Variants in RNF212B observed in about 807,000 individuals in gnomAD.
RNF212B encodes E3 ubiquitin-protein ligase RNF212B.
A neutral mutation model predicts 55.5 loss-of-function variants in RNF212B; 52 were observed. The ratio of observed to expected loss-of-function variants is 0.94; its 90% CI spans 0.75 to 1.18. RNF212B has a LOEUF of 1.18. Among genes scored for constraint, RNF212B ranks in the 50% most tolerant of loss-of-function variants. The pLI is 0.00. For synonymous variants in RNF212B, 99 were observed against 121.4 expected (o/e 0.82, Z 1.21); for missense variants, 289 against 350.4 (o/e 0.82, Z 1.40).
At chr14:23,221,062 A>G (rs1881526197) in intron 2 of RNF212B, among the ~76,000 whole-genome samples, 1 of 152,016 alleles carries the variant, frequency 6.6e-6, no homozygotes, top group African/African-American at 2.4e-5. Flanking sequence ...GAATGGATGA[A>G]AAAAAGACAC....
At chr14:23,229,906 G>T in intron 2 of RNF212B, 1 of 176,558 alleles carries the variant, frequency 5.7e-6, no homozygotes. Flanking sequence ...GATATGGTAA[G>T]ATGGTTATGA....
chr14:23,270,735 G>A (rs941533669), intron 14 of RNF212B, 74 bp downstream of exon 14: 3 of 979,400 alleles, frequency 3.1e-6, no homozygotes, highest in East Asian at 2.6e-5. Flanking sequence ...AATGCCTCAG[G>A]GTAGTGGAAT....
intron 2 of RNF212B, among the ~76,000 whole-genome samples, chr14:23,241,267 A>C (rs1013101704): frequency 6.6e-6 from 1 of 152,160 alleles, no homozygotes; most frequent in Non-Finnish European, 1.5e-5. Flanking sequence ...AGTGCAGGGG[A>C]CTACACATAG....
intron 4 of RNF212B, among the ~76,000 whole-genome samples, chr14:23,245,759 C>CT (rs539833832): frequency 4.6e-4 from 70 of 151,900 alleles, no homozygotes; most frequent in Non-Finnish European, 7.5e-4. Context: ...CCTTACCATG[C>CT]TTTTTTTTGC....
Position 23,273,047 on chromosome 14 carries a change from T to C in RNF212B, c.*156T>C, listed in dbSNP as rs755929811. 4.0e-6 allele frequency: 2 copies of C among 505,912 alleles called. No individual in the cohort carries two copies. The highest frequency in any genetic ancestry group is 3.7e-5 in the Admixed American group (1 of 26,792). 31.3% of individuals were successfully genotyped at this position (505,912 alleles called of 1,614,324 possible). ...CCCCCATCTTTACCCTATTCACCCT[T>C]ATCACCTCCCAGGACAGTGGTCAGG... On this transcript the variant is annotated 3_prime_UTR_variant, in exon 15 of 15. Coordinates refer to ENST00000430154, the MANE Select transcript of RNF212B (RefSeq NM_001282322.3).
intron 2 of RNF212B, among the ~76,000 whole-genome samples, chr14:23,209,979 C>A: frequency 6.6e-6 from 1 of 152,092 alleles, no homozygotes; most frequent in East Asian, 1.9e-4. Flanking sequence ...ATGATGAAAC[C>A]CTGTCTCTGT....
intron 2 of RNF212B, among the ~76,000 whole-genome samples, chr14:23,213,746 G>C (rs1331493785): frequency 6.6e-6 from 1 of 152,020 alleles, no homozygotes; most frequent in Non-Finnish European, 1.5e-5. Context: ...GAAGAAGTGA[G>C]GAAGAGAGGT....
intron 4 of RNF212B, among the ~76,000 whole-genome samples, chr14:23,256,313 C>G (rs1038360926): frequency 6.6e-6 from 1 of 152,010 alleles, no homozygotes; most frequent in Non-Finnish European, 1.5e-5. Context: ...ACTCCTACCC[C>G]CCTGCCATTT....
chr14:23,217,839 ACAAGCATCAACAC>A (rs1881236239), intron 2 of RNF212B, among the ~76,000 whole-genome samples: 1 of 152,112 alleles, frequency 6.6e-6, no homozygotes. Context: ...ATGAACATCT[ACAAGCATCAACAC>A]CATCCAGGGA....
intron 2 of RNF212B, among the ~76,000 whole-genome samples, chr14:23,211,201 G>A (rs1880481351): frequency 6.9e-6 from 1 of 143,994 alleles, no homozygotes. Flanking sequence ...CTGGGCAACA[G>A]AGTGAGACTC....
At chr14:23,212,126 A>G (rs1332659184) in intron 2 of RNF212B, among the ~76,000 whole-genome samples, 4 of 152,246 alleles carry the variant, frequency 2.6e-5, no homozygotes, top group Non-Finnish European at 5.9e-5. Context: ...TAGAAATAGA[A>G]GGGAACATCC....
At chr14:23,227,476 T>C (rs1366699743) in intron 2 of RNF212B, among the ~76,000 whole-genome samples, 2 of 152,124 alleles carry the variant, frequency 1.3e-5, no homozygotes, top group Admixed American at 1.3e-4. Context: ...GTTGAGTTTG[T>C]GGAAATTCAG....
chr14:23,211,518 G>C (rs1401132803), intron 2 of RNF212B, among the ~76,000 whole-genome samples: 1 of 152,056 alleles, frequency 6.6e-6, no homozygotes, highest in Non-Finnish European at 1.5e-5. Flanking sequence ...TTAGAGGTCA[G>C]CATTATTCAG....
intron 4 of RNF212B, among the ~76,000 whole-genome samples, chr14:23,245,114 T>G (rs1469474594): frequency 6.6e-6 from 1 of 152,196 alleles, no homozygotes; most frequent in Non-Finnish European, 1.5e-5. Context: ...TTGAGGTTTT[T>G]ATCACTGTTC....
intron 4 of RNF212B, among the ~76,000 whole-genome samples, chr14:23,255,703 A>C (rs1205361981): frequency 1.3e-5 from 2 of 152,202 alleles, no homozygotes; most frequent in Admixed American, 1.3e-4. Flanking sequence ...CATTTCTAAA[A>C]AAATTTTTTT....
chr14:23,209,053 C>G (rs1206530139), intron 2 of RNF212B, among the ~76,000 whole-genome samples: 3 of 152,164 alleles, frequency 2.0e-5, no homozygotes, highest in East Asian at 1.9e-4. Context: ...CCACCGTGCC[C>G]GGCCTGGTTG....
rs143523221 is a variant in RNF212B, at chr14:23,186,895, T to C, written c.-79+1405T>C. ...GAGCACTTTTTCAGGATGCTATAGCTACTGGTCAAAGCCTCAATTTCTTTC... is the reference window on the plus strand; with the variant it reads ...GAGCACTTTTTCAGGATGCTATAGCCACTGGTCAAAGCCTCAATTTCTTTC... On this transcript the variant is annotated intron_variant, in intron 1 of 15. Coordinates refer to the RNF212B transcript ENST00000399910. Among the ~76,000 whole-genome samples, 685 of 152,336 alleles carry C rather than the reference T, an allele frequency of 4.5e-3. 4 individuals are homozygous for C. Among genetic ancestry groups the C allele is most frequent in the African/African-American group, 0.016 (659 of 41,582 alleles).
In RNF212B at chr14:23,203,239, T is replaced by C. The variant is rs567204724; in HGVS notation, c.-2+9838T>C. ...CAGATCAGTGAGAACATATGATGTT[T>C]GGTTTTCCATTCCTGGGCTACTTCA... On this transcript the variant is annotated intron_variant, in intron 2 of 15. Transcript: ENST00000399910. Among the ~76,000 whole-genome samples, 78 of 152,018 alleles carry C rather than the reference T, an allele frequency of 5.1e-4. 1 individual carries two copies. The highest frequency in any genetic ancestry group is 1.7e-3 in the African/African-American group (70 of 41,374).
intron 1 of RNF212B, among the ~76,000 whole-genome samples, chr14:23,238,892 G>A (rs1322837035): frequency 1.3e-5 from 2 of 151,994 alleles, no homozygotes; most frequent in African/African-American, 4.8e-5. Flanking sequence ...TAACACAAAA[G>A]TTATTTAATG....
Sources: gnomAD v4.1 joint callset for allele counts (sites outside exome capture counted in the v4.1 genomes callset) on GRCh38, gnomAD v4.1.1 for gene constraint, MANE v1.5 for transcripts, NCBI Gene and HGNC (gene_info 2026-07-23, HGNC 2026-07-21) for gene names.